SORBS2: variants seen among roughly 807,000 people sequenced by gnomAD.
SORBS2 encodes the protein sorbin and SH3 domain containing 2.
SORBS2 carries 46 observed loss-of-function variants against 97.7 expected under a neutral mutation model. The observed-to-expected ratio is 0.47, with a 90% confidence interval of 0.37 to 0.60. The LOEUF (loss-of-function observed/expected upper bound fraction) is 0.60, where lower values mean the gene tolerates loss of function less well. Among genes scored for constraint, SORBS2 ranks in the 20% least tolerant of loss-of-function variants. The pLI is 0.00. For missense variants in SORBS2, 1,316 were observed against 1,282.3 expected, an observed-to-expected ratio of 1.03 and a Z score of -0.40; for synonymous variants, 476 against 473.4, an observed-to-expected ratio of 1.01 and a Z score of -0.07.
chr4:185,845,458 T>G (rs1178457757), intron 1 of SORBS2, among the ~76,000 whole-genome samples: 1 of 152,222 alleles, frequency 6.6e-6, no homozygotes, highest in African/African-American at 2.4e-5. Context: ...TAAAAAAATC[T>G]GTAAACCTTA....
intron 1 of SORBS2, among the ~76,000 whole-genome samples, chr4:185,943,021 T>G (rs1414025058): frequency 6.6e-6 from 1 of 152,258 alleles, no homozygotes; most frequent in Non-Finnish European, 1.5e-5. Context: ...ATCTGTTTGA[T>G]ATCATCTATA....
At chr4:185,766,883 T>C (rs1328676169) in intron 2 of SORBS2, among the ~76,000 whole-genome samples, 3 of 152,160 alleles carry the variant, frequency 2.0e-5, no homozygotes, top group Non-Finnish European at 2.9e-5. Flanking sequence ...AAATTCAATC[T>C]CTTTTTTTTT....
At chr4:185,604,012 C>CCACTGAGA (rs1472037549) in intron 12 of SORBS2, among the ~76,000 whole-genome samples, 1 of 152,140 alleles carries the variant, frequency 6.6e-6, no homozygotes, top group Non-Finnish European at 1.5e-5. Context: ...GACAATGAGT[C>CCACTGAGA]CACTGAGAGG....
chr4:185,789,813 T>C (rs956572914), intron 1 of SORBS2, among the ~76,000 whole-genome samples: 2 of 152,116 alleles, frequency 1.3e-5, no homozygotes, highest in African/African-American at 4.8e-5. Context: ...CCAGGTGAGG[T>C]ATTGTTAGGT....
intron 2 of SORBS2, among the ~76,000 whole-genome samples, chr4:185,743,242 G>C (rs1278501354): frequency 6.6e-6 from 1 of 152,140 alleles, no homozygotes; most frequent in East Asian, 1.9e-4. Flanking sequence ...CTGCTTAGGG[G>C]AAATTTGCTG....
intron 2 of SORBS2, among the ~76,000 whole-genome samples, chr4:185,722,256 T>C (rs950013318): frequency 4.6e-5 from 7 of 152,218 alleles, no homozygotes; most frequent in Admixed American, 4.6e-4. Context: ...CAAATTTTGT[T>C]TAAAAAATAT....
At chr4:185,805,964 CA>C (rs1393596451) in intron 1 of SORBS2, among the ~76,000 whole-genome samples, 25 of 152,276 alleles carry the variant, frequency 1.6e-4, no homozygotes, top group African/African-American at 6.0e-4. Context: ...GATAATCTAC[CA>C]AAAAGGCTCA....
intron 1 of SORBS2, among the ~76,000 whole-genome samples, chr4:185,872,918 G>A (rs4861688): frequency 0.22 from 33,250 of 152,156 alleles, 4,172 homozygotes; most frequent in East Asian, 0.54. Flanking sequence ...CACTAGAGGT[G>A]GGAGTCGCTG....
chr4:185,868,174 T>TTTTTTTTTG (rs2099228276), intron 1 of SORBS2, among the ~76,000 whole-genome samples: 1 of 143,228 alleles, frequency 7.0e-6, no homozygotes, highest in Non-Finnish European at 1.5e-5. Context: ...TTTTTTTTTT[T>TTTTTTTTTG]GAGGCAGAGT....
chr4:185,735,376 A>ATTTTT (rs71593648), intron 2 of SORBS2, among the ~76,000 whole-genome samples: 2 of 141,890 alleles, frequency 1.4e-5, no homozygotes, highest in African/African-American at 5.3e-5. Flanking sequence ...AGAGTAAACT[A>ATTTTT]TTTTTTTTTT....
intron 4 of SORBS2, chr4:185,677,534 G>A (rs1317903429): frequency 6.5e-7 from 1 of 1,550,172 alleles, no homozygotes; most frequent in South Asian, 1.2e-5. Context: ...CTGTACTGGA[G>A]GGAATTTGTG....
At chr4:185,803,690 TATATA>T (rs934625937) in intron 1 of SORBS2, among the ~76,000 whole-genome samples, 13 of 152,374 alleles carry the variant, frequency 8.5e-5, no homozygotes, top group African/African-American at 3.1e-4. Flanking sequence ...TATTAATCAT[TATATA>T]AATGAGTTAT....
At chr4:185,891,709 A>T (rs929933782) in intron 1 of SORBS2, among the ~76,000 whole-genome samples, 2 of 152,152 alleles carry the variant, frequency 1.3e-5, no homozygotes, top group Non-Finnish European at 2.9e-5. Context: ...GATTGATTTG[A>T]GCAATAACTC....
chr4:185,656,581 C>G (rs1333186431), intron 1 of SORBS2: 6 of 1,457,112 alleles, frequency 4.1e-6, no homozygotes, highest in Non-Finnish European at 5.6e-6. Flanking sequence ...GTATATGCAG[C>G]TGCAGTCCCT....
intron 2 of SORBS2, among the ~76,000 whole-genome samples, chr4:185,768,460 G>A (rs1388139372): frequency 2.6e-5 from 4 of 152,120 alleles, no homozygotes; most frequent in Non-Finnish European, 5.9e-5. Flanking sequence ...GGAAGGCCGA[G>A]GTGGGTGGAT....
Position 185,623,444 on chromosome 4 carries a change from T to C in SORBS2, c.1685A>G (p.Lys562Arg), listed in dbSNP as rs2096752302. ...AGTGTAGGAGGCCGGGCACCTGCCT[T>C]TGCAGGAGCTGATGAGGTGGCGGTG... Residue 562 changes from lysine to arginine, a missense_variant, in exon 7 of 15, where the codon AAA (lysine) becomes AGA (arginine). By Grantham distance (26) the Lys-to-Arg change is conservative. Transcript: ENST00000418609. The surrounding 1 kb of genome is among the most constrained non-coding windows in gnomAD (Gnocchi z 6.4). 1.2e-6 allele frequency: 2 copies of C among 1,611,936 alleles called. No homozygotes were observed. The highest frequency in any genetic ancestry group is 1.7e-6 in the Non-Finnish European group (2 of 1,180,016).
intron 1 of SORBS2, among the ~76,000 whole-genome samples, chr4:185,843,513 G>A (rs1052721747): frequency 6.6e-6 from 1 of 152,068 alleles, no homozygotes; most frequent in Non-Finnish European, 1.5e-5. Context: ...CAGGATATAA[G>A]TAAATATAGA....
intron 4 of SORBS2, among the ~76,000 whole-genome samples, chr4:185,643,139 G>T (rs562302529): frequency 6.6e-6 from 1 of 152,344 alleles, no homozygotes; most frequent in Admixed American, 6.5e-5. Context: ...TGTGCCATGG[G>T]CACACAGCAG....
rs79585480 is a variant in SORBS2, at chr4:185,630,820, C to T, written c.397-222G>A. ...CCTTCTGATATAATGCATTGCAGTT[C>T]TCTGTGTAGCTCAAATTATCCACAA... is the stretch of plus-strand genomic sequence containing the variant. On this transcript the variant is annotated intron_variant, in intron 4 of 14. Transcript: ENST00000418609. Among the ~76,000 whole-genome samples, 832 of 152,236 alleles carry T rather than the reference C, an allele frequency of 5.5e-3. 4 individuals carry two copies. The highest frequency in any genetic ancestry group is 8.8e-3 in the Non-Finnish European group (600 of 68,010).
Sources: allele counts gnomAD v4.1 joint callset (sites outside exome capture counted in the v4.1 genomes callset), GRCh38; gene constraint gnomAD v4.1.1; non-coding constraint Gnocchi (gnomAD v3.1); transcripts MANE v1.5; gene names NCBI Gene and HGNC (gene_info 2026-07-23, HGNC 2026-07-21).